Variants in SEC16B observed in about 807,000 individuals in gnomAD.
The protein encoded by SEC16B is SEC16 homolog B, endoplasmic reticulum export factor.
In SEC16B, 115 loss-of-function variants were observed where a neutral mutation model predicts 141.8. The ratio of observed to expected loss-of-function variants is 0.81; its 90% CI spans 0.70 to 0.95. The LOEUF (loss-of-function observed/expected upper bound fraction) is 0.95, where lower values mean the gene tolerates loss of function less well. Ranked by LOEUF, SEC16B falls within the 40% of genes least tolerant of loss-of-function variation. SEC16B has a pLI of 0.00. For missense variants in SEC16B, 1,291 were observed against 1,312.3 expected (o/e 0.98, Z 0.25); for synonymous variants, 493 against 492.5 (o/e 1.00, Z -0.01).
In SEC16B at chr1:177,933,520, C is replaced by T; in HGVS notation, c.2688G>A (p.Gln896=). ...ADKNSPRNTA[Q]RGKLGDGKEH... is the part of the protein sequence containing the mutation. ...CCTTCCCATCTCCGAGCTTGCCTCT[C>T]TGGGCAGTATTTCGGGGAGAGTTTT... is the stretch of plus-strand genomic sequence containing the variant. The change falls in exon 21 of 26, where the codon CAG becomes CAA. Residue 896 remains glutamine, a synonymous_variant. Transcript: ENST00000308284. 6.2e-7 allele frequency: 1 copy of T among 1,613,864 alleles called. No individual in the cohort carries two copies. The highest frequency in any genetic ancestry group is 8.5e-7 in the Non-Finnish European group (1 of 1,179,836).
chr1:177,976,633 A>G (rs1292195672), intron 1 of SEC16B, among the ~76,000 whole-genome samples: 1 of 152,204 alleles, frequency 6.6e-6, no homozygotes, highest in Non-Finnish European at 1.5e-5. Flanking sequence ...TACCTCACAG[A>G]GTTATTATAA....
Position 177,951,820 on chromosome 1 carries a change from G to T in SEC16B, c.1545+94C>A, listed in dbSNP as rs577573939. ...AACCATTAATATTATCATCACTTTT[G>T]CTCCTGAAAGCCATCAGTGCACTCC... On this transcript the variant is annotated intron_variant, in intron 12 of 25. Transcript: ENST00000308284. The T allele has an allele frequency of 6.6e-6, 6 of 909,528 alleles. No individual in the cohort carries two copies. In the Admixed American group the frequency reaches 1.0e-4, roughly 16 times the overall value. 56.3% of individuals were successfully genotyped at this position (909,528 alleles called of 1,614,324 possible).
chr1:177,942,612 G>A (rs997160334), intron 15 of SEC16B, among the ~76,000 whole-genome samples: 5 of 152,032 alleles, frequency 3.3e-5, no homozygotes, highest in Admixed American at 1.3e-4. Flanking sequence ...AGGTTCCAGT[G>A]AGCCGAGATC....
intron 2 of SEC16B, among the ~76,000 whole-genome samples, chr1:177,966,555 GT>G (rs1303435591): frequency 6.7e-6 from 1 of 148,344 alleles, no homozygotes; most frequent in Non-Finnish European, 1.5e-5. Context: ...TAATATTAAT[GT>G]TTTTATCAAT....
Position 177,954,269 on chromosome 1 carries a change from C to G in SEC16B, c.1463+10G>C, listed in dbSNP as rs768324283. On this transcript the variant is annotated intron_variant, in intron 11 of 25. Transcript: ENST00000308284. ...GCCCCACTGGCCTCTTTTGTTAAGT[C>G]CTGACTCACCCACTCATGACCCAGC... 6 of 1,557,088 alleles carry G rather than the reference C, an allele frequency of 3.9e-6. No homozygotes were observed. Among genetic ancestry groups the G allele is most frequent in the Non-Finnish European group, 5.2e-6 (6 of 1,149,420 alleles).
At chr1:177,971,542 T>C (rs1321373641), upstream of SEC16B, 1 of 152,246 alleles carries the variant, frequency 6.6e-6, no homozygotes, top group African/African-American at 2.4e-5. Context: ...TATCAAATTA[T>C]ATGTTCTGAT....
At chr1:177,969,380 CTT>C (rs1374832108) in intron 1 of SEC16B, among the ~76,000 whole-genome samples, 7 of 152,178 alleles carry the variant, frequency 4.6e-5, no homozygotes, top group Non-Finnish European at 1.0e-4. Flanking sequence ...GAACCTCTGG[CTT>C]CCTTCCCATA....
upstream of SEC16B, among the ~76,000 whole-genome samples, chr1:177,973,021 G>A (rs1654023215): frequency 6.6e-6 from 1 of 152,212 alleles, no homozygotes; most frequent in Admixed American, 6.5e-5. Flanking sequence ...CCAGAAGGGT[G>A]AGAAATAAAT....
At chr1:177,935,422 G>A (rs534320115) in intron 20 of SEC16B, among the ~76,000 whole-genome samples, 4 of 152,254 alleles carry the variant, frequency 2.6e-5, no homozygotes, top group South Asian at 2.1e-4. Context: ...ATCTCATAGA[G>A]TGTTAAGTAA....
At chr1:177,954,542 C>G (rs993989645) in intron 10 of SEC16B, among the ~76,000 whole-genome samples, 166 bp from the exon 11 acceptor site, 4 of 152,196 alleles carry the variant, frequency 2.6e-5, no homozygotes, top group Non-Finnish European at 4.4e-5. Context: ...GTAGCTAGCA[C>G]AGTATTTTTC....
chr1:177,934,091 T>C (rs1650660814), intron 20 of SEC16B, among the ~76,000 whole-genome samples: 1 of 151,364 alleles, frequency 6.6e-6, no homozygotes. Context: ...TGTGAACATA[T>C]GCACCAAAGG....
At chr1:177,983,490 TGCAGA>T (rs920498445) in intron 1 of SEC16B, among the ~76,000 whole-genome samples, 6 of 151,544 alleles carry the variant, frequency 4.0e-5, no homozygotes, top group Non-Finnish European at 8.8e-5. Flanking sequence ...TCAGGTTTTA[TGCAGA>T]GCTGAACATC....
At chr1:177,938,717 T>C (rs1000053515) in intron 18 of SEC16B, among the ~76,000 whole-genome samples, 1 of 152,242 alleles carries the variant, frequency 6.6e-6, no homozygotes, top group Admixed American at 6.5e-5. Flanking sequence ...CCACACCTTT[T>C]TATTTTTTGA....
At position 177,958,148 on chromosome 1, in the gene SEC16B, T is replaced by C. The variant is rs763207834; in HGVS notation, c.1349A>G (p.Tyr450Cys). The C allele has an allele frequency of 1.3e-6, 2 of 1,528,720 alleles. No individual in the cohort carries two copies. Among genetic ancestry groups the C allele is most frequent in the Non-Finnish European group, 8.8e-7 (1 of 1,133,718 alleles). 94.7% of individuals were successfully genotyped at this position (1,528,720 alleles called of 1,614,324 possible). ...CATACTTGCCTTCTTCCTTCCATAG[T>C]AGAGCAGCCTAGTGAATTTCTCCAC... ...QIVEKFTRLL[Y>C]YGRKKEALEW... The change falls in exon 10 of 26, where the codon TAC (tyrosine) becomes TGC (cysteine). Residue 450 changes from tyrosine to cysteine, a missense_variant. Tyr to Cys is a radical substitution (Grantham distance 194). Transcript: ENST00000308284.
Position 177,947,959 on chromosome 1 carries a change from A to G in SEC16B, c.1546-17T>C, listed in dbSNP as rs751421394. On this transcript the variant is annotated splice_polypyrimidine_tract_variant and intron_variant, in intron 12 of 25. Transcript: ENST00000308284. The stretch of plus-strand genomic sequence containing the variant: ...TCCACAACACTGAAAAGCACCAGAA[A>G]AAATAAATGTACAATCATTTAAGAA... 13 of 1,500,332 alleles carry G rather than the reference A, an allele frequency of 8.7e-6. No individual in the cohort carries two copies. Among genetic ancestry groups the G allele is most frequent in the Non-Finnish European group, 1.1e-5 (12 of 1,099,744 alleles). 92.9% of individuals were successfully genotyped at this position (1,500,332 alleles called of 1,614,324 possible).
At chr1:177,940,127 A>G (rs978967286) in intron 17 of SEC16B, among the ~76,000 whole-genome samples, 3 of 152,202 alleles carry the variant, frequency 2.0e-5, no homozygotes, top group Non-Finnish European at 4.4e-5. Flanking sequence ...GAATGGGAAA[A>G]AGAAAATGGA....
intron 1 of SEC16B, among the ~76,000 whole-genome samples, chr1:177,976,319 T>A (rs10913479): frequency 0.14 from 20,729 of 151,978 alleles, 1,740 homozygotes; most frequent in East Asian, 0.41. Context: ...ATGCCCCCTA[T>A]ATCAAGAACA....
intron 11 of SEC16B, 71 bp downstream of exon 11, chr1:177,954,208 A>G: frequency 8.7e-7 from 1 of 1,143,078 alleles, no homozygotes; most frequent in Non-Finnish European, 1.3e-6. Flanking sequence ...ATTTCTCCAC[A>G]CCCTCATCCT....
intron 1 of SEC16B, among the ~76,000 whole-genome samples, chr1:177,975,810 G>C (rs1450067524): frequency 6.6e-6 from 1 of 152,144 alleles, no homozygotes; most frequent in Non-Finnish European, 1.5e-5. Context: ...CTACCCCCTG[G>C]AAACAGTCCT....
Sources: gnomAD v4.1 joint callset for allele counts (sites outside exome capture counted in the v4.1 genomes callset) on GRCh38, gnomAD v4.1.1 for gene constraint, MANE v1.5 for transcripts, NCBI Gene and HGNC (gene_info 2026-07-23, HGNC 2026-07-21) for gene names.